The following OOSP3 variants were observed in gnomAD, a reference collection of about 807,000 sequenced individuals.
OOSP3 encodes oocyte secreted protein family member 3, also known as oocyte-secreted protein 3.
intron 2 of OOSP3, among the ~76,000 whole-genome samples, chr11:59,891,921 C>A (rs1030110971): frequency 6.6e-6 from 1 of 152,204 alleles, no homozygotes; most frequent in African/African-American, 2.4e-5. Flanking sequence ...GAATCCAAGC[C>A]AGTAGGTCAT....
intron 2 of OOSP3, among the ~76,000 whole-genome samples, chr11:59,893,569 C>T (rs1296697058): frequency 6.6e-6 from 1 of 152,144 alleles, no homozygotes. Flanking sequence ...ATTGCCCAGG[C>T]TGGTCTCCTG....
At chr11:59,881,361 T>G (rs1295452611) in intron 2 of OOSP3, among the ~76,000 whole-genome samples, 2 of 142,020 alleles carry the variant, frequency 1.4e-5, no homozygotes, top group Admixed American at 1.4e-4. Context: ...CGAGACTATC[T>G]CAAAAAAAAA....
intron 4 of OOSP3, 66 bp from the exon 5 acceptor site, chr11:59,896,067 G>C (rs1018283116): frequency 1.3e-5 from 5 of 397,614 alleles, no homozygotes; most frequent in Non-Finnish European, 2.2e-5. Context: ...TGTGTTTACT[G>C]TGCCAAGTTT....
intron 2 of OOSP3, among the ~76,000 whole-genome samples, chr11:59,893,187 T>G (rs903071196): frequency 6.6e-6 from 1 of 152,234 alleles, no homozygotes; most frequent in African/African-American, 2.4e-5. Context: ...TCTATTCTTT[T>G]TGGAAACATT....
chr11:59,880,215 G>A (rs1326060855), intron 1 of OOSP3, 46 bp from the exon 2 acceptor site: 2 of 397,760 alleles, frequency 5.0e-6, no homozygotes, highest in African/African-American at 2.1e-5. Context: ...GTGTCGTTTA[G>A]CATAAAATTG....
chr11:59,892,022 T>C (rs1293560153), intron 2 of OOSP3, among the ~76,000 whole-genome samples: 1 of 152,186 alleles, frequency 6.6e-6, no homozygotes, highest in Admixed American at 6.5e-5. Context: ...TGGACGAATC[T>C]CTTGCCTCAC....
exon 4 of OOSP3, chr11:59,895,646 C>A (rs1405262602): frequency 2.5e-6 from 1 of 398,244 alleles, no homozygotes. Flanking sequence ...ATTTTCAAAA[C>A]TCCTCGGTGA....
chr11:59,895,212 A>G (rs1853344551), intron 3 of OOSP3, among the ~76,000 whole-genome samples: 1 of 150,574 alleles, frequency 6.6e-6, no homozygotes, highest in Non-Finnish European at 1.5e-5. Flanking sequence ...CTTGTAAGAG[A>G]TTGTCTCGGG....
At chr11:59,886,149 G>T (rs2134527850) in intron 2 of OOSP3, among the ~76,000 whole-genome samples, 1 of 152,252 alleles carries the variant, frequency 6.6e-6, no homozygotes, top group East Asian at 1.9e-4. Flanking sequence ...GCAGTGTTTG[G>T]TTTTCTGTTC....
chr11:59,886,116 C>A (rs1258998018), intron 2 of OOSP3, among the ~76,000 whole-genome samples: 1 of 152,194 alleles, frequency 6.6e-6, no homozygotes, highest in Non-Finnish European at 1.5e-5. Context: ...CATTATTCAG[C>A]TCCCACCTTT....
At chr11:59,888,270 T>G (rs890016542) in intron 2 of OOSP3, among the ~76,000 whole-genome samples, 3 of 152,258 alleles carry the variant, frequency 2.0e-5, no homozygotes, top group Non-Finnish European at 2.9e-5. Flanking sequence ...ACTTTCTCTC[T>G]TCTTATATGA....
At chr11:59,879,044 C>G (rs1273616079) in intron 1 of OOSP3, among the ~76,000 whole-genome samples, 163 bp downstream of exon 1, 1 of 152,164 alleles carries the variant, frequency 6.6e-6, no homozygotes, top group Non-Finnish European at 1.5e-5. Flanking sequence ...CCCCGCAAAG[C>G]AAGTGATTTA....
chr11:59,890,124 G>C lies in OOSP3; in HGVS notation c.253-3955G>C, dbSNP rs370957130. Reference sequence around the variant, plus strand: ...TCCTGCTTTTTTCTGCTTTCCATTTGCTTGGTAAATTTTCCTCCATCCCTT... The same window carrying C: ...TCCTGCTTTTTTCTGCTTTCCATTTCCTTGGTAAATTTTCCTCCATCCCTT... On this transcript the variant is annotated intron_variant, in intron 2 of 4. Transcript: ENST00000646438. Among the ~76,000 whole-genome samples, 61 of 152,098 alleles carry C rather than the reference G, an allele frequency of 4.0e-4. No individual in the cohort carries two copies. The South Asian group carries it at 0.012, about 31-fold the overall frequency.
At chr11:59,884,475 GTCTCTCTCTCTCTCTCTCTCTCTC>G (rs60145654) in intron 2 of OOSP3, among the ~76,000 whole-genome samples, 4 of 113,834 alleles carry the variant, frequency 3.5e-5, no homozygotes, top group African/African-American at 7.2e-5. Context: ...CTGTCTGTCT[GTCTCTCTCTCTCTCTCTCTCTCTC>G]TCTCTCTCTC....
chr11:59,882,264 ATT>A (rs200835564), intron 2 of OOSP3, among the ~76,000 whole-genome samples: 2,066 of 149,820 alleles, frequency 0.014, 63 homozygotes, highest in African/African-American at 0.048. Flanking sequence ...TCTTTTGAAG[ATT>A]TTTTTTTTTC....
intron 2 of OOSP3, among the ~76,000 whole-genome samples, chr11:59,889,838 T>C (rs1853294633): frequency 6.6e-6 from 1 of 152,216 alleles, no homozygotes; most frequent in African/African-American, 2.4e-5. Context: ...AAGTCCTGAA[T>C]ATCTTTGTTA....
intron 3 of OOSP3, 142 bp from the exon 4 acceptor site, chr11:59,895,360 G>T: frequency 2.6e-6 from 1 of 387,068 alleles, no homozygotes. Context: ...CAAGTAGAAG[G>T]CAGAGAGGTA....
At chr11:59,892,646 A>G (rs1853322801) in intron 2 of OOSP3, among the ~76,000 whole-genome samples, 2 of 151,912 alleles carry the variant, frequency 1.3e-5, no homozygotes, top group African/African-American at 4.8e-5. Context: ...ATATAGGTCT[A>G]TTCCTCTTGA....
At chr11:59,886,876 C>A (rs536695500) in intron 2 of OOSP3, among the ~76,000 whole-genome samples, 2 of 151,690 alleles carry the variant, frequency 1.3e-5, no homozygotes, top group South Asian at 4.2e-4. Context: ...CTGCAACCTC[C>A]GCCTCCCAGA....
Sources: gnomAD v4.1 joint callset for allele counts (sites outside exome capture counted in the v4.1 genomes callset) on GRCh38, gnomAD v4.1.1 for gene constraint, MANE v1.5 for transcripts, NCBI Gene and HGNC (gene_info 2026-07-23, HGNC 2026-07-21) for gene names.